The following FUT8 variants were observed in gnomAD, a reference collection of about 807,000 sequenced individuals.
The protein encoded by FUT8 is fucosyltransferase 8, also known as alpha-(1,6)-fucosyltransferase.
Under a neutral mutation model 71.3 loss-of-function variants are expected in FUT8, and 29 were observed. The observed-to-expected ratio is 0.41, with a 90% CI of 0.30 to 0.55. The LOEUF is 0.55. Ranked by LOEUF, FUT8 falls within the 20% of genes least tolerant of loss-of-function variation. The pLI is 0.34. For synonymous variants in FUT8, 254 were observed against 239.3 expected (o/e 1.06, Z -0.57); for missense variants, 544 against 702.1 (o/e 0.77, Z 2.55).
the FUT8 span, among the ~76,000 whole-genome samples, chr14:65,378,106 T>C: frequency 1.3e-5 from 2 of 152,230 alleles, no homozygotes; most frequent in African/African-American, 2.4e-5. Context: ...AGTGCTGCAC[T>C]GTAATTCTAC....
intron 2 of FUT8, among the ~76,000 whole-genome samples, chr14:65,535,250 C>G (rs1372496230): frequency 2.6e-5 from 4 of 151,904 alleles, no homozygotes; most frequent in African/African-American, 9.7e-5. Context: ...CTGACGTACA[C>G]CACCAAGCCC....
chr14:65,478,776 C>T (rs1049117957), intron 2 of FUT8, among the ~76,000 whole-genome samples: 2 of 152,126 alleles, frequency 1.3e-5, no homozygotes, highest in South Asian at 2.1e-4. Flanking sequence ...CTTTGTCTTC[C>T]GTGTTCAGCC....
chr14:65,356,928 C>T, the FUT8 span, among the ~76,000 whole-genome samples: 13 of 152,330 alleles, frequency 8.5e-5, no homozygotes, highest in Non-Finnish European at 1.8e-4. This position sits in a 1 kb window ranked among gnomAD's most constrained non-coding sequence, Gnocchi z 4.6. Flanking sequence ...TCCGTGCCAC[C>T]TGAGTTGATT....
intron 6 of FUT8, among the ~76,000 whole-genome samples, chr14:65,646,823 A>C (rs1891146788): frequency 6.6e-6 from 1 of 152,212 alleles, no homozygotes; most frequent in African/African-American, 2.4e-5. Flanking sequence ...AATGCATACA[A>C]ATACATCTCT....
intron 3 of FUT8, among the ~76,000 whole-genome samples, chr14:65,601,247 G>T (rs1888273653): frequency 6.6e-6 from 1 of 152,164 alleles, no homozygotes; most frequent in South Asian, 2.1e-4. Flanking sequence ...TTTGAATAAA[G>T]TGATATTTTC....
intron 2 of FUT8, chr14:65,470,979 C>A: frequency 2.5e-6 from 1 of 405,882 alleles, no homozygotes; most frequent in Non-Finnish European, 4.8e-6. Context: ...CTTCTACTGT[C>A]CTTGCTTTTA....
At chr14:65,636,150 A>G (rs1475001441) in intron 6 of FUT8, among the ~76,000 whole-genome samples, 3 of 152,096 alleles carry the variant, frequency 2.0e-5, no homozygotes, top group African/African-American at 4.8e-5. Context: ...GTAGCCTTGA[A>G]TGATCTTTTG....
At chr14:65,415,990 T>A (rs1715182294) in intron 1 of FUT8, among the ~76,000 whole-genome samples, 2 of 152,192 alleles carry the variant, frequency 1.3e-5, no homozygotes, top group Non-Finnish European at 2.9e-5. Flanking sequence ...ATTGGAATAT[T>A]GGTTTTTTTG....
intron 1 of FUT8, among the ~76,000 whole-genome samples, chr14:65,434,916 C>G (rs2139446742): frequency 6.6e-6 from 1 of 152,212 alleles, no homozygotes; most frequent in South Asian, 2.1e-4. Flanking sequence ...TTGGCAAATG[C>G]ATATAATATG....
At chr14:65,526,449 C>A (rs140414482) in intron 2 of FUT8, among the ~76,000 whole-genome samples, 1 of 152,052 alleles carries the variant, frequency 6.6e-6, no homozygotes. Context: ...TTTGAGCCTA[C>A]GTGTGTCTCT....
chr14:65,427,256 G>A (rs1463361422), intron 1 of FUT8, among the ~76,000 whole-genome samples: 1 of 152,138 alleles, frequency 6.6e-6, no homozygotes, highest in East Asian at 1.9e-4. Flanking sequence ...ATGAACATTG[G>A]AGTGCAGATA....
chr14:65,506,889 A>G (rs1017582332), intron 2 of FUT8, among the ~76,000 whole-genome samples: 1 of 152,220 alleles, frequency 6.6e-6, no homozygotes, highest in Non-Finnish European at 1.5e-5. Context: ...ATAGACCCTG[A>G]CCCGGCCACG....
intron 1 of FUT8, among the ~76,000 whole-genome samples, chr14:65,417,359 T>C (rs1346138541): frequency 6.6e-6 from 1 of 152,188 alleles, no homozygotes; most frequent in Non-Finnish European, 1.5e-5. Flanking sequence ...CAGTCTTCCA[T>C]TTGGAATAAT....
In FUT8 at chr14:65,627,345, A is replaced by C. The variant is rs74245865; in HGVS notation, c.483-2147A>C. ...GAGGAAATAATTTGGCCAGGGGAAC[A>C]TAAGGCAGAGTGAGAGATCAAGGCA... On this transcript the variant is annotated intron_variant, in intron 5 of 10. Transcript: ENST00000673929. The surrounding 1 kb of genome is among the most constrained non-coding windows in gnomAD (Gnocchi z 4.0). Among the ~76,000 whole-genome samples, 1 of 152,136 alleles carries C rather than the reference A, an allele frequency of 6.6e-6. No homozygotes were observed. Among genetic ancestry groups the C allele is most frequent in the Non-Finnish European group, 1.5e-5 (1 of 68,028 alleles).
chr14:65,688,302 A>G (rs1033784502), intron 7 of FUT8, among the ~76,000 whole-genome samples: 30 of 151,378 alleles, frequency 2.0e-4, no homozygotes, highest in Admixed American at 2.0e-3. Context: ...AAATCTCCAC[A>G]ATTTTGCTTT....
At chr14:65,524,100 T>C (rs1883277887) in intron 2 of FUT8, among the ~76,000 whole-genome samples, 2 of 152,220 alleles carry the variant, frequency 1.3e-5, no homozygotes, top group Non-Finnish European at 2.9e-5. Context: ...TTTTTTCCAA[T>C]TCTGTGAAGA....
chr14:65,403,054 C>G, the FUT8 span, among the ~76,000 whole-genome samples: 1 of 152,152 alleles, frequency 6.6e-6, no homozygotes, highest in Non-Finnish European at 1.5e-5. Flanking sequence ...TCCTTAGATT[C>G]TGTTTTCATG....
chr14:65,473,886 T>A (rs956344361), intron 2 of FUT8, among the ~76,000 whole-genome samples: 1 of 152,194 alleles, frequency 6.6e-6, no homozygotes, highest in African/African-American at 2.4e-5. Context: ...TACTTGCTCA[T>A]CTGTAAAAGC....
chr14:65,716,563 A>G (rs937552237), intron 7 of FUT8, among the ~76,000 whole-genome samples: 6 of 152,184 alleles, frequency 3.9e-5, no homozygotes, highest in Non-Finnish European at 7.3e-5. Flanking sequence ...GTTATAGATT[A>G]ACAGCATCCC....
Sources: gnomAD v4.1 joint callset for allele counts (sites outside exome capture counted in the v4.1 genomes callset) on GRCh38, gnomAD v4.1.1 for gene constraint, Gnocchi (gnomAD v3.1) non-coding constraint, MANE v1.5 for transcripts, NCBI Gene and HGNC (gene_info 2026-07-23, HGNC 2026-07-21) for gene names.